The following CDC14A variants were observed in gnomAD, a reference collection of about 807,000 sequenced individuals.
CDC14A encodes the protein cell division cycle 14A, also known as dual specificity protein phosphatase CDC14A.
CDC14A carries 53 observed loss-of-function variants against 74.4 expected under a neutral mutation model. The ratio of observed to expected loss-of-function variants is 0.71; its 90% CI spans 0.57 to 0.89. The LOEUF is 0.89. Ranked by LOEUF, CDC14A falls within the 40% of genes least tolerant of loss-of-function variation. The probability of loss-of-function intolerance (pLI) is 0.00; values close to 1 mark genes in which losing one functional copy is unlikely to be tolerated. For missense variants in CDC14A, 646 were observed against 713.7 expected (o/e 0.91, Z 1.08); for synonymous variants, 247 against 258.4 (o/e 0.96, Z 0.43).
At position 100,399,993 on chromosome 1, in the gene CDC14A, AG is replaced by A. The variant is rs1411718570; in HGVS notation, c.309+9170del. On this transcript the variant is annotated intron_variant, in intron 4 of 15. Coordinates refer to ENST00000336454, the MANE Select transcript of CDC14A (RefSeq NM_003672.4). The stretch of plus-strand genomic sequence containing the variant: ...TAGACCTTTCCTGCTGTTACTCATT[AG>A]AATGTCAGAATGCTCTATTAAATAC... 1.3e-4 allele frequency among the ~76,000 whole-genome samples: 20 copies of A among 152,368 alleles called. No homozygotes were observed. In the East Asian group the frequency reaches 2.3e-3, roughly 18 times the overall value.
rs145552303 is a variant in CDC14A at position 100,498,182 on chromosome 1, T to G, written c.1396T>G (p.Leu466Val). 1.9e-6 allele frequency: 3 copies of G among 1,614,156 alleles called. No homozygotes were observed. The highest frequency in any genetic ancestry group is 2.5e-6 in the Non-Finnish European group (3 of 1,179,980). The stretch of plus-strand genomic sequence containing the variant: ...GGCCAAGAGGATCAACAGAACTTCT[T>G]TGTCTTCGGGTGCCACTGTAAGAAG... ...ATAKRINRTS[L>V]SSGATVRSFS... is the part of the protein sequence containing the mutation. The change falls in exon 14 of 16, where the codon TTG (leucine) becomes GTG (valine). Residue 466 changes from leucine (L) to valine (V), a missense_variant. Transcript: ENST00000336454.
chr1:100,506,679 G>A (rs1382115916), intron 15 of CDC14A, among the ~76,000 whole-genome samples: 1 of 152,110 alleles, frequency 6.6e-6, no homozygotes, highest in Non-Finnish European at 1.5e-5. Flanking sequence ...AAGTGATAAG[G>A]TTGATCAGAA....
intron 11 of CDC14A, among the ~76,000 whole-genome samples, chr1:100,493,323 T>C (rs1346832012): frequency 6.6e-6 from 1 of 152,184 alleles, no homozygotes. Context: ...TCACCTCATA[T>C]TCAGGAAACT....
chr1:100,384,980 G>A (rs537022996), intron 3 of CDC14A, among the ~76,000 whole-genome samples: 2 of 152,290 alleles, frequency 1.3e-5, no homozygotes, highest in African/African-American at 4.8e-5. Flanking sequence ...CTTAATTACG[G>A]AATCATTAAA....
chr1:100,421,779 A>G (rs1446665479), intron 4 of CDC14A, among the ~76,000 whole-genome samples: 2 of 152,196 alleles, frequency 1.3e-5, no homozygotes, highest in East Asian at 1.9e-4. Context: ...GCGAGTTTGG[A>G]AAGTTCCTTA....
intron 2 of CDC14A, among the ~76,000 whole-genome samples, chr1:100,358,773 C>A (rs1652270406): frequency 1.3e-5 from 2 of 152,230 alleles, no homozygotes; most frequent in East Asian, 3.9e-4. Context: ...AAAATGATTT[C>A]TTTTATCTTG....
At chr1:100,479,707 A>G (rs1473264302) in intron 10 of CDC14A, among the ~76,000 whole-genome samples, 1 of 152,212 alleles carries the variant, frequency 6.6e-6, no homozygotes, top group Non-Finnish European at 1.5e-5. Flanking sequence ...AGTTTACACT[A>G]TTTACTGAAA....
intron 5 of CDC14A, among the ~76,000 whole-genome samples, chr1:100,427,110 A>G (rs893280802): frequency 1.3e-5 from 2 of 152,104 alleles, no homozygotes; most frequent in African/African-American, 4.8e-5. Flanking sequence ...CTTCATTATA[A>G]TCTGGGTTTT....
chr1:100,495,482 G>A (rs972457905), intron 12 of CDC14A, among the ~76,000 whole-genome samples: 1 of 152,140 alleles, frequency 6.6e-6, no homozygotes. Context: ...GAAACCTGCT[G>A]ATAGCTCAGA....
chr1:100,437,547 G>A (rs1215244729), intron 5 of CDC14A, among the ~76,000 whole-genome samples: 2 of 152,178 alleles, frequency 1.3e-5, no homozygotes, highest in Non-Finnish European at 2.9e-5. Context: ...ATTTCAATTT[G>A]TAAACTTCTC....
At chr1:100,469,753 T>G (rs1668205930) in intron 10 of CDC14A, among the ~76,000 whole-genome samples, 1 of 152,184 alleles carries the variant, frequency 6.6e-6, no homozygotes, top group Admixed American at 6.5e-5. Context: ...TAGCAGAGAA[T>G]TCTACCAGTC....
At chr1:100,392,468 T>G (rs1657857789) in intron 4 of CDC14A, among the ~76,000 whole-genome samples, 1 of 152,160 alleles carries the variant, frequency 6.6e-6, no homozygotes, top group Non-Finnish European at 1.5e-5. Flanking sequence ...TTTTTTTTTT[T>G]TGTGAGGACC....
chr1:100,352,153 C>G (rs1041914936), upstream of CDC14A, among the ~76,000 whole-genome samples: 1 of 152,218 alleles, frequency 6.6e-6, no homozygotes, highest in Non-Finnish European at 1.5e-5. Context: ...ATCCTAGCCT[C>G]CGAGGCCGCG....
chr1:100,424,281 C>T lies in CDC14A; in HGVS notation c.369C>T (p.Asn123=), dbSNP rs1390036991. Residue 123 remains asparagine (N), a synonymous_variant, in exon 5 of 16, where the codon AAC becomes AAT. Coordinates refer to ENST00000336454, the MANE Select transcript of CDC14A (RefSeq NM_003672.4). ...EAYRALLSGS[N]PPYLPFRDAS... ...ACAGAGCACTCCTGTCTGGCTCAAACCCCCCCTATCTTCCATTCAGGTATA... is the reference window on the plus strand; with the variant it reads ...ACAGAGCACTCCTGTCTGGCTCAAATCCCCCCTATCTTCCATTCAGGTATA... 2 of 1,608,700 alleles carry T rather than the reference C, an allele frequency of 1.2e-6. No homozygotes were observed. Among genetic ancestry groups the T allele is most frequent in the South Asian group, 2.2e-5 (2 of 90,952 alleles).
At chr1:100,472,367 G>T (rs1312953540) in intron 10 of CDC14A, among the ~76,000 whole-genome samples, 1 of 152,094 alleles carries the variant, frequency 6.6e-6, no homozygotes, top group Non-Finnish European at 1.5e-5. Context: ...ATCAGCAATG[G>T]TTTGTCAGTC....
intron 7 of CDC14A, among the ~76,000 whole-genome samples, chr1:100,453,536 CTTTA>C (rs993958131): frequency 6.6e-6 from 1 of 152,136 alleles, no homozygotes; most frequent in African/African-American, 2.4e-5. Context: ...TAATTAGATT[CTTTA>C]TTTAAGTTGT....
chr1:100,404,149 C>T (rs2101020123), intron 4 of CDC14A, among the ~76,000 whole-genome samples: 1 of 151,826 alleles, frequency 6.6e-6, no homozygotes, highest in African/African-American at 2.4e-5. Flanking sequence ...TGAGATAGCG[C>T]CACTGCACTC....
intron 7 of CDC14A, among the ~76,000 whole-genome samples, chr1:100,449,384 G>A (rs1571219714): frequency 6.6e-6 from 1 of 152,160 alleles, no homozygotes; most frequent in African/African-American, 2.4e-5. Context: ...GACTAAAGGT[G>A]TGGAGGAAAT....
chr1:100,398,837 G>A (rs999706521), intron 4 of CDC14A, among the ~76,000 whole-genome samples: 1 of 152,072 alleles, frequency 6.6e-6, no homozygotes, highest in Non-Finnish European at 1.5e-5. Flanking sequence ...TGGAGGGCTG[G>A]GTTCAGACCT....
Sources: allele counts gnomAD v4.1 joint callset (sites outside exome capture counted in the v4.1 genomes callset), GRCh38; gene constraint gnomAD v4.1.1; transcripts MANE v1.5; gene names NCBI Gene and HGNC (gene_info 2026-07-23, HGNC 2026-07-21).